The following MAPKAPK5 variants were observed in gnomAD, a reference collection of about 807,000 sequenced individuals.
The protein encoded by MAPKAPK5 is MAP kinase-activated protein kinase 5.
MAPKAPK5 carries 30 observed loss-of-function variants against 65.1 expected under a neutral mutation model. The ratio of observed to expected loss-of-function variants is 0.46; its 90% confidence interval spans 0.34 to 0.63. MAPKAPK5 has a LOEUF of 0.63. Among genes scored for constraint, MAPKAPK5 ranks in the 20% least tolerant of loss-of-function variants. MAPKAPK5 has a pLI of 0.01. For missense variants in MAPKAPK5, 433 were observed against 581.4 expected (o/e 0.74, Z 2.63); for synonymous variants, 179 against 204.6 (o/e 0.87, Z 1.07).
intron 1 of MAPKAPK5, among the ~76,000 whole-genome samples, chr12:111,862,058 G>A (rs905600649): frequency 2.0e-5 from 3 of 151,670 alleles, no homozygotes; most frequent in Admixed American, 2.0e-4. Flanking sequence ...TTCAGTAGAA[G>A]TGTTTTAATT....
chr12:111,864,943 A>C (rs2069554190), intron 1 of MAPKAPK5, among the ~76,000 whole-genome samples: 1 of 152,226 alleles, frequency 6.6e-6, no homozygotes, highest in African/African-American at 2.4e-5. Flanking sequence ...ATTTTGAAAG[A>C]GTATCTTCCT....
intron 7 of MAPKAPK5, among the ~76,000 whole-genome samples, chr12:111,878,306 G>A (rs760150777): frequency 1.3e-5 from 2 of 152,020 alleles, no homozygotes; most frequent in Non-Finnish European, 2.9e-5. Flanking sequence ...TGTGATCCAT[G>A]TTGAGTCAAT....
At chr12:111,892,909 A>G (rs2070667742) in intron 13 of MAPKAPK5, 58 bp from the exon 14 acceptor site, 3 of 1,292,480 alleles carry the variant, frequency 2.3e-6, no homozygotes, top group African/African-American at 1.5e-5. Flanking sequence ...GTCTCTGTCA[A>G]GAGTCTGCCA....
chr12:111,892,800 C>T (rs770243638), intron 13 of MAPKAPK5, among the ~76,000 whole-genome samples, 167 bp from the exon 14 acceptor site: 6 of 152,074 alleles, frequency 3.9e-5, no homozygotes, highest in Non-Finnish European at 7.4e-5. Flanking sequence ...ACAATTGCTA[C>T]CTGAAAAATG....
intron 13 of MAPKAPK5, among the ~76,000 whole-genome samples, 188 bp from the exon 14 acceptor site, chr12:111,892,779 A>G (rs2070660065): frequency 6.6e-6 from 1 of 152,158 alleles, no homozygotes; most frequent in African/African-American, 2.4e-5. Context: ...CTGCCAGGTT[A>G]GTGGAACTGT....
intron 4 of MAPKAPK5, among the ~76,000 whole-genome samples, chr12:111,868,150 C>A (rs1230532545): frequency 6.6e-6 from 1 of 152,182 alleles, no homozygotes; most frequent in Admixed American, 6.5e-5. Context: ...CAACATTATT[C>A]TTTTAGTTAC....
chr12:111,842,830 C>T lies in MAPKAPK5; in HGVS notation c.36+61C>T, dbSNP rs557912900. On this transcript the variant is annotated intron_variant, in intron 1 of 13. Coordinates refer to ENST00000550735, the MANE Select transcript of MAPKAPK5 (RefSeq NM_003668.4). ...CCTGTGGCGTTCTTCTCGGCTCTAG[C>T]CTCAAAAAGCAGGGAGATTTTGCAG... 7.1e-6 allele frequency: 9 copies of T among 1,263,422 alleles called. No homozygotes were observed. The East Asian group carries it at 1.5e-4, about 21-fold the overall frequency. 78.3% of individuals were successfully genotyped at this position (1,263,422 alleles called of 1,614,324 possible). A position where few individuals can be genotyped will look rare whatever the true frequency, so the allele number is the denominator to read the frequency against.
intron 1 of MAPKAPK5, among the ~76,000 whole-genome samples, chr12:111,856,823 TAA>T (rs1478744019): frequency 1.3e-5 from 2 of 152,242 alleles, no homozygotes; most frequent in African/African-American, 2.4e-5. Context: ...GTGTTTTAAA[TAA>T]GAGAGAAAGG....
chr12:111,842,990 G>C (rs2068773473), intron 1 of MAPKAPK5: 1 of 408,124 alleles, frequency 2.5e-6, no homozygotes, highest in African/African-American at 2.1e-5. Flanking sequence ...TGGTGAGTGT[G>C]ATTTGTGCTC....
At chr12:111,858,534 G>C (rs982154884) in intron 1 of MAPKAPK5, among the ~76,000 whole-genome samples, 1 of 146,514 alleles carries the variant, frequency 6.8e-6, no homozygotes, top group African/African-American at 2.5e-5. Context: ...AATCTGTTGA[G>C]CACCTCTTTT....
At chr12:111,856,475 C>T (rs988152587) in intron 1 of MAPKAPK5, among the ~76,000 whole-genome samples, 21 of 147,514 alleles carry the variant, frequency 1.4e-4, no homozygotes, top group African/African-American at 1.5e-4. Context: ...AGCATGATCT[C>T]GGCTCACTGC....
intron 1 of MAPKAPK5, chr12:111,843,413 G>C (rs1333066055): frequency 5.1e-6 from 2 of 393,344 alleles, no homozygotes; most frequent in Non-Finnish European, 8.9e-6. Context: ...AATAAAATAA[G>C]TTTTCTAAAA....
chr12:111,871,274 C>T, intron 7 of MAPKAPK5, 94 bp downstream of exon 7: 1 of 951,606 alleles, frequency 1.1e-6, no homozygotes, highest in Non-Finnish European at 1.6e-6. Flanking sequence ...GCATATATTA[C>T]AGATGGGAGG....
intron 1 of MAPKAPK5, among the ~76,000 whole-genome samples, chr12:111,851,514 T>G (rs1398684088): frequency 2.6e-5 from 4 of 151,496 alleles, no homozygotes; most frequent in African/African-American, 9.7e-5. Flanking sequence ...TTAGGAGAGA[T>G]GAGGTTTCAC....
rs780409130 is a variant in MAPKAPK5, at chr12:111,867,658, G to A, written c.273G>A (p.Glu91=). The A allele has an allele frequency of 1.9e-6, 3 of 1,613,248 alleles. No homozygotes were observed. The highest frequency in any genetic ancestry group is 2.5e-6 in the Non-Finnish European group (3 of 1,179,498). Residue 91 remains glutamate (E), a synonymous_variant, in exon 4 of 14, where the codon GAG becomes GAA. Transcript: ENST00000550735. ...CTAACAGTGTCCAGTTTCCCCATGA[G>A]TCCAGCCCTAGGTAAGACTACACAG... is the stretch of plus-strand genomic sequence containing the variant. ...VFANSVQFPH[E]SSPRARLLIV...
At chr12:111,847,079 C>T (rs1232091732) in intron 1 of MAPKAPK5, among the ~76,000 whole-genome samples, 1 of 151,968 alleles carries the variant, frequency 6.6e-6, no homozygotes, top group Admixed American at 6.6e-5. Context: ...TGGTGGCTTA[C>T]GCTTGTAATC....
Position 111,900,088 on chromosome 12 carries a change from A to C in MAPKAPK5, c.*7027A>C. 1 of 455,740 alleles carries C rather than the reference A, an allele frequency of 2.2e-6. No individual in the cohort carries two copies. Among genetic ancestry groups the C allele is most frequent in the Non-Finnish European group, 4.4e-6 (1 of 226,792 alleles). 28.2% of individuals were successfully genotyped at this position (455,740 alleles called of 1,614,324 possible). A position where few individuals can be genotyped will look rare whatever the true frequency, so the allele number is the denominator to read the frequency against. On this transcript the variant is annotated 3_prime_UTR_variant, in exon 14 of 14. Transcript: ENST00000550735. The stretch of plus-strand genomic sequence containing the variant: ...AGCTTCACTAGGGGAATAAACACAG[A>C]GGTGGTGCTGGCTGGAATGGAGATT...
At position 111,876,183 on chromosome 12, in the gene MAPKAPK5, G is replaced by GT. The variant is rs1737513971; in HGVS notation, c.580-4263dup. Among the ~76,000 whole-genome samples, 3 of 143,486 alleles carry GT rather than the reference G, an allele frequency of 2.1e-5. No individual in the cohort carries two copies. The Admixed American group carries it at 2.2e-4, about 11-fold the overall frequency. 94.1% of individuals were successfully genotyped at this position (143,486 alleles called of 152,430 possible). On this transcript the variant is annotated intron_variant, in intron 7 of 13. Coordinates refer to ENST00000550735, the MANE Select transcript of MAPKAPK5 (RefSeq NM_003668.4). The stretch of plus-strand genomic sequence containing the variant: ...GATTGAGCCATTGCACTCCAGCCTG[G>GT]TGACAGAGCGAGACTCCATCTCAAA...
At position 111,900,798 on chromosome 12, in the gene MAPKAPK5, A is replaced by G. The variant is rs1386460678; in HGVS notation, c.*7737A>G. The stretch of plus-strand genomic sequence containing the variant: ...CAATGGTACATCTGCATTATGCCCC[A>G]ACAACAGGCATAAGCAAGATGGCTC... On this transcript the variant is annotated 3_prime_UTR_variant, in exon 14 of 14. Coordinates refer to ENST00000550735, the MANE Select transcript of MAPKAPK5 (RefSeq NM_003668.4). 1 of 455,994 alleles carries G rather than the reference A, an allele frequency of 2.2e-6. No individual in the cohort carries two copies. Among genetic ancestry groups the G allele is most frequent in the Non-Finnish European group, 4.4e-6 (1 of 226,808 alleles). The allele number at this position is 455,994 out of a possible 1,614,324, so 28.2% of individuals were successfully genotyped here. A position where few individuals can be genotyped will look rare whatever the true frequency, so the allele number is the denominator to read the frequency against.
Sources: gnomAD v4.1 joint callset for allele counts (sites outside exome capture counted in the v4.1 genomes callset) on GRCh38, gnomAD v4.1.1 for gene constraint, MANE v1.5 for transcripts, NCBI Gene and HGNC (gene_info 2026-07-23, HGNC 2026-07-21) for gene names.